The following CNTNAP4 variants were observed in gnomAD, a reference collection of about 807,000 sequenced individuals.
CNTNAP4 encodes contactin associated protein family member 4, also known as contactin-associated protein-like 4.
In CNTNAP4, 98 loss-of-function variants were observed where a neutral mutation model predicts 148.4. That is an observed-to-expected ratio of 0.66 (90% CI 0.56 to 0.78). The LOEUF is 0.78. Ranked by LOEUF, CNTNAP4 falls within the 30% of genes least tolerant of loss-of-function variation. The pLI is 0.00. For synonymous variants in CNTNAP4, 730 were observed against 565.1 expected (o/e 1.29, Z -4.14); for missense variants, 1,935 against 1,565.6 (o/e 1.24, Z -3.98).
intron 12 of CNTNAP4, among the ~76,000 whole-genome samples, chr16:76,488,075 A>G (rs944063281): frequency 3.3e-5 from 5 of 152,214 alleles, no homozygotes; most frequent in African/African-American, 1.2e-4. Context: ...AACAGTGGCT[A>G]GGCTGTCAGG....
chr16:76,381,010 C>G (rs1204573999), intron 3 of CNTNAP4, among the ~76,000 whole-genome samples: 1 of 152,212 alleles, frequency 6.6e-6, no homozygotes. Flanking sequence ...AGGCTCTGCA[C>G]TTTCCCAAGT....
rs534954437 is a variant in CNTNAP4, at chr16:76,452,705, G to C, written c.1269G>C (p.Leu423=). 69 of 1,611,926 alleles carry C rather than the reference G, an allele frequency of 4.3e-5. No individual in the cohort carries two copies. Among genetic ancestry groups the C allele is most frequent in the Non-Finnish European group, 3.6e-5 (43 of 1,178,858 alleles). Residue 423 remains leucine (L), a synonymous_variant, in exon 8 of 24, where the codon CTG becomes CTC. Coordinates refer to ENST00000611870, the MANE Select transcript of CNTNAP4 (RefSeq NM_033401.5). ...TTTCAGGGGGTATCCTCCTCTTTCT[G>C]AGTGATGGAAAACTTAAGTCGAATC... ...QLISGGILLF[L]SDGKLKSNLY...
intron 20 of CNTNAP4, among the ~76,000 whole-genome samples, chr16:76,540,394 T>C (rs1376649951): frequency 6.6e-6 from 1 of 151,978 alleles, no homozygotes; most frequent in Non-Finnish European, 1.5e-5. Flanking sequence ...GTTGGCTTCA[T>C]CAATTTTGGA....
intron 1 of CNTNAP4, among the ~76,000 whole-genome samples, chr16:76,292,758 C>G (rs1959164978): frequency 6.6e-6 from 1 of 152,046 alleles, no homozygotes; most frequent in South Asian, 2.1e-4. Flanking sequence ...AGAAAACAGA[C>G]TAGTGTTTCT....
chr16:76,336,055 G>T (rs1963995554), intron 2 of CNTNAP4, among the ~76,000 whole-genome samples: 1 of 152,102 alleles, frequency 6.6e-6, no homozygotes, highest in African/African-American at 2.4e-5. Flanking sequence ...ATCCCTGTAG[G>T]CATGTTAAAT....
rs141975491 is a variant in CNTNAP4, at chr16:76,346,646, G to A, written c.197-8672G>A. 1.4e-3 allele frequency among the ~76,000 whole-genome samples: 212 copies of A among 152,152 alleles called. 3 individuals are homozygous for A. Among genetic ancestry groups the A allele is most frequent in the African/African-American group, 5.0e-3 (208 of 41,520 alleles). ...CTGATTATCATCTGAATTTCCAGAC[G>A]TTATGTGCTAAAAATCATTTTTCCA... On this transcript the variant is annotated intron_variant, in intron 2 of 23. Coordinates refer to ENST00000611870, the MANE Select transcript of CNTNAP4 (RefSeq NM_033401.5).
chr16:76,329,656 T>G (rs1185380030), intron 2 of CNTNAP4, among the ~76,000 whole-genome samples: 1 of 152,218 alleles, frequency 6.6e-6, no homozygotes. Context: ...GAAAGCTAGC[T>G]TAAAACCACA....
At chr16:76,374,518 G>T in intron 3 of CNTNAP4, among the ~76,000 whole-genome samples, 1 of 151,968 alleles carries the variant, frequency 6.6e-6, no homozygotes, top group East Asian at 1.9e-4. Context: ...AACTCTTTAT[G>T]TGAACAATGA....
At chr16:76,531,863 A>C (rs182133437) in intron 17 of CNTNAP4, among the ~76,000 whole-genome samples, 78 of 152,298 alleles carry the variant, frequency 5.1e-4, no homozygotes, top group African/African-American at 1.7e-3. Flanking sequence ...GTGGCTTAAA[A>C]CTATTTGGTT....
chr16:76,297,372 A>G (rs1347893511), intron 1 of CNTNAP4, among the ~76,000 whole-genome samples: 1 of 152,196 alleles, frequency 6.6e-6, no homozygotes, highest in Non-Finnish European at 1.5e-5. Flanking sequence ...AACTAAAATA[A>G]AAGATAACTA....
chr16:76,521,575 T>A (rs1374018256), intron 16 of CNTNAP4, among the ~76,000 whole-genome samples: 2 of 152,186 alleles, frequency 1.3e-5, no homozygotes, highest in Non-Finnish European at 2.9e-5. Flanking sequence ...TAAAACACAA[T>A]TTTTTAGTTA....
chr16:76,315,552 T>C (rs1374901744), intron 1 of CNTNAP4, among the ~76,000 whole-genome samples: 1 of 152,196 alleles, frequency 6.6e-6, no homozygotes, highest in East Asian at 1.9e-4. Flanking sequence ...TTTACATCTC[T>C]TTTTGCTGAT....
At chr16:76,547,494 G>A (rs887988950) in intron 21 of CNTNAP4, among the ~76,000 whole-genome samples, 3 of 152,134 alleles carry the variant, frequency 2.0e-5, no homozygotes, top group Non-Finnish European at 4.4e-5. Flanking sequence ...ACAATAATGT[G>A]TTGATAATTC....
chr16:76,465,291 C>T (rs1464981340), intron 9 of CNTNAP4, among the ~76,000 whole-genome samples: 4 of 152,146 alleles, frequency 2.6e-5, no homozygotes. Flanking sequence ...TCTGGTATTG[C>T]ATTATATTAA....
intron 23 of CNTNAP4, among the ~76,000 whole-genome samples, chr16:76,557,123 T>C (rs1174783760): frequency 6.6e-6 from 1 of 152,218 alleles, no homozygotes; most frequent in Non-Finnish European, 1.5e-5. Context: ...ACTGATCTTA[T>C]CAGAAAATTC....
At chr16:76,546,897 A>G (rs2084762028) in intron 21 of CNTNAP4, among the ~76,000 whole-genome samples, 1 of 152,210 alleles carries the variant, frequency 6.6e-6, no homozygotes. Context: ...TTACATAAAA[A>G]TTATCCCCCT....
chr16:76,498,295 G>A (rs1347216774), intron 14 of CNTNAP4, among the ~76,000 whole-genome samples: 1 of 152,126 alleles, frequency 6.6e-6, no homozygotes, highest in Non-Finnish European at 1.5e-5. Flanking sequence ...GGGAGGCTGA[G>A]GCACAAGAAT....
intron 2 of CNTNAP4, among the ~76,000 whole-genome samples, chr16:76,322,937 C>T (rs1395470779): frequency 6.6e-6 from 1 of 151,788 alleles, no homozygotes; most frequent in African/African-American, 2.4e-5. Flanking sequence ...TGGGTTCAAG[C>T]GAGTCTCGTG....
rs369737598 is a variant in CNTNAP4, at chr16:76,348,380, G to A, written c.197-6938G>A. On this transcript the variant is annotated intron_variant, in intron 2 of 23. Coordinates refer to ENST00000611870, the MANE Select transcript of CNTNAP4 (RefSeq NM_033401.5). ...GAGTGTAGGCAGATTTATGAATAAG[G>A]GAATTTTTGACACGTGGGTAATGCT... 2.0e-5 allele frequency among the ~76,000 whole-genome samples: 3 copies of A among 151,836 alleles called. No homozygotes were observed. The East Asian group carries it at 5.8e-4, about 29-fold the overall frequency.
Sources: gnomAD v4.1 joint callset for allele counts (sites outside exome capture counted in the v4.1 genomes callset) on GRCh38, gnomAD v4.1.1 for gene constraint, MANE v1.5 for transcripts, NCBI Gene and HGNC (gene_info 2026-07-23, HGNC 2026-07-21) for gene names.